The following RAD51B variants were observed in gnomAD, a reference collection of about 807,000 sequenced individuals.
RAD51B encodes the protein DNA repair protein RAD51 homolog 2.
A neutral mutation model predicts 42.2 loss-of-function variants in RAD51B; 38 were observed. The observed-to-expected ratio is 0.90, with a 90% CI of 0.70 to 1.18. RAD51B has a LOEUF of 1.18. Among genes scored for constraint, RAD51B ranks in the 50% most tolerant of loss-of-function variants. The pLI, the probability that RAD51B is intolerant of heterozygous loss-of-function variation, is 0.00. For missense variants in RAD51B, 373 were observed against 400.7 expected (o/e 0.93, Z 0.59); for synonymous variants, 154 against 145.2 (o/e 1.06, Z -0.43).
In RAD51B at chr14:67,864,801, T is replaced by C. The variant is rs573829238; in HGVS notation, c.316-202T>C. The C allele has an allele frequency of 2.7e-5, 22 of 828,856 alleles. No individual in the cohort carries two copies. The South Asian group carries it at 3.2e-4, about 12-fold the overall frequency. The allele number at this position is 828,856 out of a possible 1,614,324, so 51.3% of individuals were successfully genotyped here. On this transcript the variant is annotated intron_variant, in intron 4 of 10. Coordinates refer to ENST00000471583, the MANE Select transcript of RAD51B (RefSeq NM_133510.4). ...AATTCCTCCAAGGATGGTACATAAC[T>C]AGTGCCAATTCAGATGCAGAGGGGA...
At chr14:68,006,648 A>T (rs1306279776) in intron 7 of RAD51B, among the ~76,000 whole-genome samples, 2 of 152,082 alleles carry the variant, frequency 1.3e-5, no homozygotes, top group Non-Finnish European at 2.9e-5. Context: ...GCATCATTTA[A>T]AAAATACTTT....
intron 7 of RAD51B, among the ~76,000 whole-genome samples, chr14:68,216,025 T>C (rs2079807389): frequency 6.6e-6 from 1 of 152,202 alleles, no homozygotes; most frequent in Admixed American, 6.5e-5. Flanking sequence ...TACACCTATT[T>C]TACTACTTTT....
At chr14:68,479,977 G>T (rs2525508), downstream of RAD51B, among the ~76,000 whole-genome samples, 3,248 of 151,828 alleles carry the variant, frequency 0.021, 63 homozygotes, top group Non-Finnish European at 0.027. Flanking sequence ...ATGAGCCACC[G>T]CGCCCAGCCA....
chr14:68,595,515 A>T (rs1890955689), exon 11 of RAD51B: 1 of 1,066,562 alleles, frequency 9.4e-7, no homozygotes, highest in Admixed American at 5.3e-5. Flanking sequence ...GTTTGGAGCA[A>T]GGGTTGTGAA....
rs549233775 is a variant in RAD51B, at chr14:67,938,865, G to A, written c.756+51661G>A. Among the ~76,000 whole-genome samples, 137 of 152,354 alleles carry A rather than the reference G, an allele frequency of 9.0e-4. 1 individual carries two copies. Among genetic ancestry groups the A allele is most frequent in the African/African-American group, 3.2e-3 (135 of 41,580 alleles). ...ATTTTTATTTAGTGGCTGAGGAAGT[G>A]AAGTAGTGACTTATACTGATTTGCC... On this transcript the variant is annotated intron_variant, in intron 7 of 10. Transcript: ENST00000471583.
At chr14:68,430,475 G>A (rs1046728936) in intron 9 of RAD51B, among the ~76,000 whole-genome samples, 1 of 152,154 alleles carries the variant, frequency 6.6e-6, no homozygotes, top group African/African-American at 2.4e-5. Flanking sequence ...TCCCTTGGAA[G>A]TTGGATTCCT....
chr14:68,422,267 T>C, intron 9 of RAD51B: 1 of 766,156 alleles, frequency 1.3e-6, no homozygotes, highest in East Asian at 2.7e-5. Flanking sequence ...GCTTATAAAA[T>C]TAGGGGTAGA....
intron 7 of RAD51B, among the ~76,000 whole-genome samples, chr14:68,118,632 A>G (rs2077590345): frequency 6.6e-6 from 1 of 152,244 alleles, no homozygotes; most frequent in Non-Finnish European, 1.5e-5. Flanking sequence ...TTGTGAGGAC[A>G]ACACATCTGT....
chr14:68,499,832 C>A (rs909807163), intron 10 of RAD51B, among the ~76,000 whole-genome samples: 4 of 152,182 alleles, frequency 2.6e-5, no homozygotes, highest in Admixed American at 2.0e-4. Context: ...GGGAGCCTGG[C>A]CCTGCAGACA....
chr14:68,437,361 C>T (rs1259485334), intron 9 of RAD51B, among the ~76,000 whole-genome samples: 1 of 152,144 alleles, frequency 6.6e-6, no homozygotes, highest in Non-Finnish European at 1.5e-5. Flanking sequence ...ATGAAGCTTA[C>T]TTGATCGTGG....
intron 8 of RAD51B, among the ~76,000 whole-genome samples, chr14:68,313,941 G>A (rs1185457285): frequency 2.0e-5 from 3 of 152,076 alleles, no homozygotes; most frequent in East Asian, 1.9e-4. Flanking sequence ...TAAAGACCCC[G>A]TGGCCTCTGA....
chr14:68,040,328 C>T (rs898744576), intron 7 of RAD51B, among the ~76,000 whole-genome samples: 5 of 152,200 alleles, frequency 3.3e-5, no homozygotes, highest in East Asian at 1.9e-4. Context: ...GTATCATCCT[C>T]ACCATATTTG....
intron 11 of RAD51B, among the ~76,000 whole-genome samples, chr14:68,657,609 A>T (rs150990612): frequency 3.9e-5 from 6 of 152,348 alleles, no homozygotes; most frequent in Non-Finnish European, 7.4e-5. Context: ...TGCAGAGATC[A>T]GTCTGGTGGC....
intron 7 of RAD51B, among the ~76,000 whole-genome samples, chr14:68,038,675 T>G (rs1030207384): frequency 1.3e-5 from 2 of 152,164 alleles, no homozygotes; most frequent in Non-Finnish European, 2.9e-5. Context: ...AATTGGGTGG[T>G]AGCAACAATG....
At chr14:67,901,566 T>C (rs1001167580) in intron 7 of RAD51B, among the ~76,000 whole-genome samples, 1 of 152,114 alleles carries the variant, frequency 6.6e-6, no homozygotes, top group Non-Finnish European at 1.5e-5. Context: ...CTTCCAGTCT[T>C]TGGGAATCAC....
At chr14:67,863,474 T>C (rs1166820560) in intron 4 of RAD51B, among the ~76,000 whole-genome samples, 1 of 152,160 alleles carries the variant, frequency 6.6e-6, no homozygotes, top group South Asian at 2.1e-4. Context: ...CTCACTCAAA[T>C]CTGAGAACCA....
intron 7 of RAD51B, among the ~76,000 whole-genome samples, chr14:67,940,257 A>G (rs1176588233): frequency 2.0e-5 from 3 of 150,204 alleles, no homozygotes; most frequent in Non-Finnish European, 4.4e-5. Flanking sequence ...TATTTTTAGT[A>G]GAGATGGGGT....
chr14:68,573,232 C>T (rs1269854337), intron 10 of RAD51B, among the ~76,000 whole-genome samples: 1 of 152,178 alleles, frequency 6.6e-6, no homozygotes, highest in African/African-American at 2.4e-5. Context: ...GCCAGAGGCT[C>T]ATGTGGCCCA....
intron 7 of RAD51B, among the ~76,000 whole-genome samples, chr14:68,028,627 A>C (rs1049827142): frequency 6.6e-6 from 1 of 152,044 alleles, no homozygotes; most frequent in Non-Finnish European, 1.5e-5. Context: ...GGGGGATCTG[A>C]AGTGCTCCCA....
Sources: gnomAD v4.1 joint callset for allele counts (sites outside exome capture counted in the v4.1 genomes callset) on GRCh38, gnomAD v4.1.1 for gene constraint, MANE v1.5 for transcripts, NCBI Gene and HGNC (gene_info 2026-07-23, HGNC 2026-07-21) for gene names.